Variants in NBEA observed in about 807,000 individuals in gnomAD.
The protein encoded by NBEA is lysosomal-trafficking regulator 2.
Under a neutral mutation model 343.4 loss-of-function variants are expected in NBEA, and 44 were observed. That is an observed-to-expected ratio of 0.13 (90% CI 0.10 to 0.16). The LOEUF (loss-of-function observed/expected upper bound fraction) is 0.16, where lower values mean the gene tolerates loss of function less well. Among genes scored for constraint, NBEA ranks in the 10% least tolerant of loss-of-function variants. The probability of loss-of-function intolerance (pLI) is 1.00; values close to 1 mark genes in which losing one functional copy is unlikely to be tolerated. For synonymous variants in NBEA, 1,175 were observed against 1,238.7 expected (o/e 0.95, Z 1.08); for missense variants, 2,555 against 3,631.3 (o/e 0.70, Z 7.62).
intron 30 of NBEA, among the ~76,000 whole-genome samples, chr13:35,187,384 T>G (rs1250708671): frequency 6.6e-6 from 1 of 151,760 alleles, no homozygotes; most frequent in African/African-American, 2.4e-5. Context: ...CTAGGCTTTC[T>G]CTCGGTTTAT....
intron 17 of NBEA, among the ~76,000 whole-genome samples, chr13:35,137,629 C>G (rs1337681019): frequency 6.6e-6 from 1 of 151,898 alleles, no homozygotes; most frequent in Non-Finnish European, 1.5e-5. Flanking sequence ...TTCCCTCTTT[C>G]TTCCCTTCTC....
intron 38 of NBEA, among the ~76,000 whole-genome samples, chr13:35,371,292 CTTTG>C (rs1474919338): frequency 1.3e-5 from 2 of 151,906 alleles, no homozygotes; most frequent in Admixed American, 6.6e-5. Flanking sequence ...GTTATGAGGA[CTTTG>C]TTTATTATAT....
intron 38 of NBEA, among the ~76,000 whole-genome samples, chr13:35,395,838 G>A (rs2042719502): frequency 6.6e-6 from 1 of 152,004 alleles, no homozygotes; most frequent in South Asian, 2.1e-4. Flanking sequence ...ACACATTTGT[G>A]AATATTATGT....
In NBEA at chr13:35,122,633, G is replaced by T. The variant is rs1400965422; in HGVS notation, c.2244-849G>T. On this transcript the variant is annotated intron_variant, in intron 16 of 58. Transcript: ENST00000379939. ...ATACCTAATGTAAATGATGAGTTAA[G>T]GGGTGCAGCACACCAACATGGCACA... Among the ~76,000 whole-genome samples the T allele has an allele frequency of 3.3e-5, 5 of 151,786 alleles. No individual in the cohort carries two copies. In the East Asian group the frequency reaches 5.8e-4, roughly 18 times the overall value.
intron 48 of NBEA, among the ~76,000 whole-genome samples, chr13:35,619,028 T>G (rs1367663394): frequency 6.6e-6 from 1 of 151,456 alleles, no homozygotes; most frequent in Non-Finnish European, 1.5e-5. Context: ...TGTCCGTATT[T>G]CAAAGAAAAT....
chr13:35,394,341 C>T (rs2042640679), intron 38 of NBEA, among the ~76,000 whole-genome samples: 1 of 152,104 alleles, frequency 6.6e-6, no homozygotes, highest in Non-Finnish European at 1.5e-5. Flanking sequence ...CCCTCACTCC[C>T]TTACTTTTCC....
At chr13:35,406,831 G>A (rs1026430168) in intron 38 of NBEA, among the ~76,000 whole-genome samples, 1 of 151,912 alleles carries the variant, frequency 6.6e-6, no homozygotes, top group South Asian at 2.1e-4. Context: ...TATAAATATT[G>A]TGAATAAATA....
chr13:35,668,790 A>G (rs1445342708), intron 58 of NBEA, among the ~76,000 whole-genome samples: 1 of 152,200 alleles, frequency 6.6e-6, no homozygotes, highest in African/African-American at 2.4e-5. Flanking sequence ...ACTTACTCCC[A>G]CCAAGTTCCC....
intron 36 of NBEA, among the ~76,000 whole-genome samples, chr13:35,319,106 T>G (rs1190895561): frequency 6.6e-6 from 1 of 152,300 alleles, no homozygotes; most frequent in African/African-American, 2.4e-5. Flanking sequence ...TCTCCTACAG[T>G]TCTGCTCTGA....
At chr13:35,032,671 T>C (rs2062278234) in intron 1 of NBEA, among the ~76,000 whole-genome samples, 1 of 151,934 alleles carries the variant, frequency 6.6e-6, no homozygotes, top group South Asian at 2.1e-4. Context: ...GTGTTTATTA[T>C]GCTTGTCTTT....
chr13:35,611,042 G>GA (rs2082497186), intron 48 of NBEA, among the ~76,000 whole-genome samples: 1 of 129,782 alleles, frequency 7.7e-6, no homozygotes, highest in Admixed American at 7.1e-5. Flanking sequence ...AAATTAAAAG[G>GA]GGGAAAAAAA....
At position 35,173,675 on chromosome 13, in the gene NBEA, G is replaced by T. The variant is rs538762286; in HGVS notation, c.4554+81G>T. ...AAGTTGATGAGAACAAAGTGCCATG[G>T]TATTGCTCAGTGATAGAGAGCAAGG... On this transcript the variant is annotated intron_variant, in intron 27 of 58. Transcript: ENST00000379939. 2.3e-5 allele frequency: 32 copies of T among 1,371,076 alleles called. No individual in the cohort carries two copies. The African/African-American group carries it at 4.1e-4, about 17-fold the overall frequency. 84.9% of individuals were successfully genotyped at this position (1,371,076 alleles called of 1,614,324 possible).
At chr13:35,653,606 C>T (rs1296192282) in intron 53 of NBEA, among the ~76,000 whole-genome samples, 1 of 152,200 alleles carries the variant, frequency 6.6e-6, no homozygotes, top group Non-Finnish European at 1.5e-5. Context: ...CCTGGGATTA[C>T]AGACGTGAGC....
chr13:35,085,546 A>C (rs1342261915), intron 10 of NBEA, among the ~76,000 whole-genome samples: 2 of 152,198 alleles, frequency 1.3e-5, no homozygotes, highest in African/African-American at 2.4e-5. Context: ...TTCATGCTAA[A>C]AACTCTTAAT....
Position 34,942,983 on chromosome 13 carries a change from A to C in NBEA, c.163A>C (p.Met55Leu). 6.2e-7 allele frequency: 1 copy of C among 1,608,176 alleles called. No homozygotes were observed. Among genetic ancestry groups the C allele is most frequent in the South Asian group, 1.1e-5 (1 of 90,958 alleles). The change falls in exon 1 of 59, where the codon ATG becomes CTG. Residue 55 changes from methionine to leucine, a missense_variant. Met to Leu is a conservative substitution (Grantham distance 15). This residue lies in a region of NBEA where 122 missense variants were observed against 91.0 expected (regional missense o/e 1.34). Transcript: ENST00000379939. ...GGGGGCGTCCGGCTCCGGCTCGGTGATGCTCCCCGCGGGGATGATTAACCC... is the reference window on the plus strand; with the variant it reads ...GGGGGCGTCCGGCTCCGGCTCGGTGCTGCTCCCCGCGGGGATGATTAACCC... ...LRGASGSGSVMLPAGMINPSV... is the reference protein window; with the variant it reads ...LRGASGSGSVLLPAGMINPSV...
At chr13:35,157,681 GGTATTTTAA>G (rs2069267895) in intron 21 of NBEA, among the ~76,000 whole-genome samples, 1 of 151,612 alleles carries the variant, frequency 6.6e-6, no homozygotes, top group Non-Finnish European at 1.5e-5. Flanking sequence ...TAAGTTTAGT[GGTATTTTAA>G]TTGCTTTATC....
intron 38 of NBEA, among the ~76,000 whole-genome samples, chr13:35,400,196 TAAAAAAAAAAAAAA>T (rs71081251): frequency 5.1e-5 from 4 of 78,238 alleles, no homozygotes; most frequent in East Asian, 3.9e-4. Context: ...CTTCAATTTG[TAAAAAAAAAAAAAA>T]AAAAAAAAAA....
chr13:34,947,282 C>T (rs1389680990), intron 1 of NBEA, among the ~76,000 whole-genome samples: 1 of 152,054 alleles, frequency 6.6e-6, no homozygotes, highest in Non-Finnish European at 1.5e-5. Context: ...GGTCAGTCAA[C>T]GATCAAGTTA....
intron 4 of NBEA, among the ~76,000 whole-genome samples, chr13:35,047,201 T>TTGTGTGTGTGTGTGTGTGTGTG (rs139134555): frequency 1.4e-5 from 2 of 147,972 alleles, no homozygotes; most frequent in Non-Finnish European, 3.0e-5. Context: ...TCATTTGAAA[T>TTGTGTGTGTGTGTGTGTGTGTG]TGTGTGTGTG....
Sources: allele counts gnomAD v4.1 joint callset (sites outside exome capture counted in the v4.1 genomes callset), GRCh38; gene constraint gnomAD v4.1.1; regional missense constraint gnomAD v4.1.1; transcripts MANE v1.5; gene names NCBI Gene and HGNC (gene_info 2026-07-23, HGNC 2026-07-21).